The following ATXN7 variants were observed in gnomAD, a reference collection of about 807,000 sequenced individuals.
The protein encoded by ATXN7 is ataxin-7.
ATXN7 carries 12 observed loss-of-function variants against 70.5 expected under a neutral mutation model. The ratio of observed to expected loss-of-function variants is 0.17; its 90% CI spans 0.11 to 0.28. The LOEUF (loss-of-function observed/expected upper bound fraction) is 0.28. Ranked by LOEUF, ATXN7 falls within the 10% of genes least tolerant of loss-of-function variation. The pLI, the probability that ATXN7 is intolerant of heterozygous loss-of-function variation, is 1.00. For missense variants in ATXN7, 1,256 were observed against 1,131.7 expected (o/e 1.11, Z -1.58); for synonymous variants, 498 against 448.7 (o/e 1.11, Z -1.39).
chr3:63,912,341 T>G (rs1704056621), intron 2 of ATXN7, among the ~76,000 whole-genome samples: 2 of 151,448 alleles, frequency 1.3e-5, no homozygotes, highest in Admixed American at 1.3e-4. Flanking sequence ...GCGGGCCGCC[T>G]GCTGCCCGTC....
chr3:63,950,805 G>A (rs2074940598), intron 4 of ATXN7, among the ~76,000 whole-genome samples: 1 of 152,076 alleles, frequency 6.6e-6, no homozygotes, highest in African/African-American at 2.4e-5. Flanking sequence ...TATTAAATAA[G>A]CGTAGTCACA....
At chr3:63,889,004 C>T (rs915902960) in intron 1 of ATXN7, among the ~76,000 whole-genome samples, 2 of 151,938 alleles carry the variant, frequency 1.3e-5, no homozygotes, top group South Asian at 2.1e-4. Context: ...AATTTTTAAA[C>T]GAATATTTAT....
chr3:63,900,008 C>T (rs1703576089), intron 2 of ATXN7, among the ~76,000 whole-genome samples: 1 of 152,154 alleles, frequency 6.6e-6, no homozygotes, highest in Non-Finnish European at 1.5e-5. Flanking sequence ...GGTTTGAGCT[C>T]AAGAGCTTGA....
rs761799687 is a variant in ATXN7, at chr3:63,988,043, T to A, written c.1096-16T>A. 6.2e-7 allele frequency: 1 copy of A among 1,606,556 alleles called. No homozygotes were observed. Among genetic ancestry groups the A allele is most frequent in the Non-Finnish European group, 8.5e-7 (1 of 1,177,892 alleles). On this transcript the variant is annotated splice_polypyrimidine_tract_variant and intron_variant, in intron 8 of 12. Coordinates refer to ENST00000674280, the MANE Select transcript of ATXN7 (RefSeq NM_001377405.1). ...TTAATGAGATTCCTCAGTTTCTGTA[T>A]TTTTTTGGTCCACAGACACATTCCT... is the stretch of plus-strand genomic sequence containing the variant.
chr3:63,939,997 C>T, intron 4 of ATXN7, among the ~76,000 whole-genome samples: 1 of 152,032 alleles, frequency 6.6e-6, no homozygotes, highest in Non-Finnish European at 1.5e-5. Context: ...TCTTCAATGT[C>T]ACAGTTGCTT....
intron 4 of ATXN7, among the ~76,000 whole-genome samples, chr3:63,941,311 G>A (rs537751599): frequency 6.6e-6 from 1 of 152,236 alleles, no homozygotes; most frequent in East Asian, 1.9e-4. Flanking sequence ...GCTATGGGGT[G>A]GGGGGTTTGG....
intron 4 of ATXN7, among the ~76,000 whole-genome samples, chr3:63,919,854 G>C (rs1704439039): frequency 6.7e-6 from 1 of 148,954 alleles, no homozygotes; most frequent in Non-Finnish European, 1.5e-5. Flanking sequence ...TATTGCCCCA[G>C]CTTCCAAGAG....
At chr3:63,953,843 T>G (rs2074994987) in intron 5 of ATXN7, among the ~76,000 whole-genome samples, 1 of 152,070 alleles carries the variant, frequency 6.6e-6, no homozygotes, top group Non-Finnish European at 1.5e-5. Flanking sequence ...AGACAGGGTT[T>G]CACCATGTTG....
intron 5 of ATXN7, 61 bp downstream of exon 5, chr3:63,952,544 C>G: frequency 8.0e-7 from 1 of 1,251,292 alleles, no homozygotes; most frequent in Non-Finnish European, 1.1e-6. Context: ...CAAGATTAAA[C>G]TAAGGAACAG....
intron 1 of ATXN7, among the ~76,000 whole-genome samples, chr3:63,874,904 T>C (rs1263111710): frequency 6.6e-6 from 1 of 152,154 alleles, no homozygotes; most frequent in Non-Finnish European, 1.5e-5. Context: ...GAGAAGTCCA[T>C]GATCAGGGTG....
At chr3:63,882,750 G>A (rs1332456909) in intron 1 of ATXN7, among the ~76,000 whole-genome samples, 1 of 152,024 alleles carries the variant, frequency 6.6e-6, no homozygotes, top group Admixed American at 6.5e-5. Context: ...CATAGGTGCT[G>A]ACATTTTTAA....
chr3:63,997,569 T>C (rs2075780857), intron 12 of ATXN7: 1 of 1,483,686 alleles, frequency 6.7e-7, no homozygotes. Flanking sequence ...TCTTCCAGCT[T>C]CCTTTGCTCT....
At chr3:63,881,787 C>T (rs962640089) in intron 1 of ATXN7, among the ~76,000 whole-genome samples, 1 of 152,134 alleles carries the variant, frequency 6.6e-6, no homozygotes, top group East Asian at 1.9e-4. Flanking sequence ...TGCACCCAGC[C>T]GCTTGATTGG....
chr3:63,988,243 A>C lies in ATXN7; in HGVS notation c.1280A>C (p.Gln427Pro). ...APPRTSQEPHQNPHGVIPSES... is the reference protein window; with the variant it reads ...APPRTSQEPHPNPHGVIPSES... ...CCTAGAACGTCACAGGAGCCGCACC[A>C]AAACCCTCACGGAGTGATTCCTTCC... is the stretch of plus-strand genomic sequence containing the variant. Residue 427 changes from glutamine to proline, a missense_variant, in exon 9 of 13, where the codon CAA (glutamine) becomes CCA (proline). Physicochemically the swap from Gln to Pro is moderately conservative, Grantham distance 76 (BLOSUM62 -1). Transcript: ENST00000674280. 2 of 1,614,116 alleles carry C rather than the reference A, an allele frequency of 1.2e-6. No homozygotes were observed. The highest frequency in any genetic ancestry group is 1.7e-6 in the Non-Finnish European group (2 of 1,180,014).
chr3:63,910,608 A>C (rs775085599), intron 2 of ATXN7, among the ~76,000 whole-genome samples: 2 of 152,124 alleles, frequency 1.3e-5, no homozygotes, highest in Non-Finnish European at 2.9e-5. Flanking sequence ...CAAGGGAATT[A>C]TATGTTTTAC....
At chr3:63,900,007 T>C (rs1703576007) in intron 2 of ATXN7, among the ~76,000 whole-genome samples, 1 of 152,050 alleles carries the variant, frequency 6.6e-6, no homozygotes, top group South Asian at 2.1e-4. Context: ...TGGTTTGAGC[T>C]CAAGAGCTTG....
In ATXN7 at chr3:63,912,904, C is replaced by G. The variant is rs770295927; in HGVS notation, c.306C>G (p.Ser102=). The G allele has an allele frequency of 1.2e-6, 2 of 1,613,202 alleles. No homozygotes were observed. Among genetic ancestry groups the G allele is most frequent in the African/African-American group, 2.7e-5 (2 of 74,846 alleles). The change falls in exon 3 of 13, where the codon TCC becomes TCG. Residue 102 remains serine, a synonymous_variant. Transcript: ENST00000674280. The stretch of plus-strand genomic sequence containing the variant: ...CGTGGAATCTGTGGGTTGAGGCTTC[C>G]AAACTTCCTGGGAAGGACGGTGAGT... The part of the protein sequence containing the change: ...GQSWNLWVEA[S]KLPGKDGTEL...
At chr3:63,943,635 T>C (rs895855564) in intron 4 of ATXN7, among the ~76,000 whole-genome samples, 1 of 152,182 alleles carries the variant, frequency 6.6e-6, no homozygotes, top group African/African-American at 2.4e-5. Flanking sequence ...TATTGAGGTA[T>C]AGGCTAGTAA....
chr3:63,956,996 A>G (rs1162979920), intron 5 of ATXN7, among the ~76,000 whole-genome samples: 2 of 152,166 alleles, frequency 1.3e-5, no homozygotes, highest in African/African-American at 4.8e-5. Flanking sequence ...TGGCTACTGA[A>G]TAGCATAAAC....
Sources: gnomAD v4.1 joint callset for allele counts (sites outside exome capture counted in the v4.1 genomes callset) on GRCh38, gnomAD v4.1.1 for gene constraint, MANE v1.5 for transcripts, NCBI Gene and HGNC (gene_info 2026-07-23, HGNC 2026-07-21) for gene names.